Variants in CDS2 observed in about 807,000 individuals in gnomAD.
CDS2 encodes the protein CDP-diacylglycerol synthase 2.
Under a neutral mutation model 59.0 loss-of-function variants are expected in CDS2, and 47 were observed. That is an observed-to-expected ratio of 0.80 (90% CI 0.63 to 1.02). The LOEUF (loss-of-function observed/expected upper bound fraction) is 1.02, where lower values mean the gene tolerates loss of function less well. Ranked by LOEUF, CDS2 falls within the 50% of genes least tolerant of loss-of-function variation. The pLI is 0.00. For missense variants in CDS2, 356 were observed against 558.9 expected (o/e 0.64, Z 3.66); for synonymous variants, 207 against 206.4 (o/e 1.00, Z -0.02).
At chr20:5,188,719 T>G (rs964444347) in intron 10 of CDS2, among the ~76,000 whole-genome samples, 9 of 152,236 alleles carry the variant, frequency 5.9e-5, no homozygotes, top group Non-Finnish European at 1.0e-4. Context: ...CATTGGCTGC[T>G]GCCTGGCTTC....
chr20:5,185,714 G>A, intron 8 of CDS2, 44 bp from the exon 9 acceptor site: 1 of 1,552,296 alleles, frequency 6.4e-7, no homozygotes, highest in Admixed American at 1.7e-5. Context: ...CAAAGCTATA[G>A]TTATCAAAAC....
At chr20:5,162,621 G>T (rs930718542) in intron 1 of CDS2, among the ~76,000 whole-genome samples, 1 of 152,268 alleles carries the variant, frequency 6.6e-6, no homozygotes, top group African/African-American at 2.4e-5. Flanking sequence ...GAGAAGTTGG[G>T]GTTGGAGATA....
chr20:5,158,376 T>C (rs1411504321), intron 1 of CDS2, among the ~76,000 whole-genome samples: 2 of 152,152 alleles, frequency 1.3e-5, no homozygotes, highest in African/African-American at 4.8e-5. Flanking sequence ...TTCACCATGT[T>C]GTCCAGGTTG....
At chr20:5,144,177 A>G (rs981972142) in intron 1 of CDS2, among the ~76,000 whole-genome samples, 1 of 152,166 alleles carries the variant, frequency 6.6e-6, no homozygotes, top group African/African-American at 2.4e-5. Flanking sequence ...GTATTTTAGA[A>G]ACTTCTTGGT....
At chr20:5,144,691 C>CA (rs1306300127) in intron 1 of CDS2, among the ~76,000 whole-genome samples, 3 of 152,136 alleles carry the variant, frequency 2.0e-5, no homozygotes, top group Admixed American at 2.0e-4. Context: ...AATTTTGAGA[C>CA]AAAATGTACA....
rs11481738 is a variant in CDS2, at chr20:5,164,628, GA to G, written c.58-8881del. On this transcript the variant is annotated intron_variant, in intron 1 of 12. Transcript: ENST00000460006. ...TGGGAGAGCTTTATCTTAATAAACT[GA>G]AAAAAAAAAAAAATTCCTTCCTTCC... is the stretch of plus-strand genomic sequence containing the variant. Among the ~76,000 whole-genome samples the G allele has an allele frequency of 1.9e-3, 270 of 142,666 alleles. 3 individuals are homozygous for G. Among genetic ancestry groups the G allele is most frequent in the East Asian group, 0.017 (85 of 4,882 alleles). The allele number at this position is 142,666 out of a possible 152,430, so 93.6% of individuals were successfully genotyped here.
intron 1 of CDS2, among the ~76,000 whole-genome samples, chr20:5,146,153 A>G (rs1274911870): frequency 6.6e-6 from 1 of 152,224 alleles, no homozygotes; most frequent in African/African-American, 2.4e-5. Flanking sequence ...GCATTACAAC[A>G]TAGAAGCAGG....
At chr20:5,141,988 T>C (rs116780792) in intron 1 of CDS2, among the ~76,000 whole-genome samples, 1,871 of 151,794 alleles carry the variant, frequency 0.012, 48 homozygotes, top group African/African-American at 0.041. Context: ...GAGTGGGGAG[T>C]GATAGAGATA....
chr20:5,165,970 C>T lies in CDS2; in HGVS notation c.58-7553C>T, dbSNP rs982727838. ...CTGGATGAGTAGATAAGACCCTGAT[C>T]TCAAGGGGCTTGTATGCCATTTTGA... On this transcript the variant is annotated intron_variant, in intron 1 of 12. Transcript: ENST00000460006. 5.3e-5 allele frequency among the ~76,000 whole-genome samples: 8 copies of T among 152,150 alleles called. No homozygotes were observed. The East Asian group carries it at 1.5e-3, about 29-fold the overall frequency.
At chr20:5,136,992 A>G (rs1008677942) in intron 1 of CDS2, among the ~76,000 whole-genome samples, 1 of 152,036 alleles carries the variant, frequency 6.6e-6, no homozygotes, top group Non-Finnish European at 1.5e-5. Flanking sequence ...CTTTGTGTCC[A>G]TGTGTAGCTC....
At chr20:5,178,758 A>C in intron 4 of CDS2, 59 bp from the exon 5 acceptor site, 1 of 1,591,016 alleles carries the variant, frequency 6.3e-7, no homozygotes, top group Non-Finnish European at 8.6e-7. Flanking sequence ...GGGATGTCTG[A>C]CTGCCTTGCT....
intron 4 of CDS2, 61 bp from the exon 5 acceptor site, chr20:5,178,756 T>G: frequency 6.3e-7 from 1 of 1,591,130 alleles, no homozygotes; most frequent in Non-Finnish European, 8.6e-7. Flanking sequence ...CTGGGATGTC[T>G]GACTGCCTTG....
At chr20:5,135,108 T>A (rs2090638257) in intron 1 of CDS2, among the ~76,000 whole-genome samples, 1 of 152,094 alleles carries the variant, frequency 6.6e-6, no homozygotes, top group African/African-American at 2.4e-5. Flanking sequence ...AATATATACA[T>A]ACTTATTTTA....
intron 5 of CDS2, among the ~76,000 whole-genome samples, chr20:5,179,898 C>T (rs377145843): frequency 2.6e-5 from 4 of 152,238 alleles, no homozygotes; most frequent in South Asian, 4.2e-4. Context: ...TTGAGGTGCA[C>T]GAAAAATTTG....
At chr20:5,176,840 A>G (rs560403408) in intron 4 of CDS2, 95 bp downstream of exon 4, 7 of 841,932 alleles carry the variant, frequency 8.3e-6, no homozygotes, top group South Asian at 6.7e-5. Flanking sequence ...ATCACTTGCT[A>G]TAGAGATAAA....
At chr20:5,159,320 T>C (rs1357180704) in intron 1 of CDS2, among the ~76,000 whole-genome samples, 5 of 103,290 alleles carry the variant, frequency 4.8e-5, no homozygotes, top group Admixed American at 1.1e-4. Context: ...ATGCTTTCCC[T>C]CCCCCTCCCC....
At chr20:5,132,207 C>T (rs959982861) in intron 1 of CDS2, among the ~76,000 whole-genome samples, 7 of 151,808 alleles carry the variant, frequency 4.6e-5, no homozygotes, top group Admixed American at 2.6e-4. Context: ...AAGTGATTCT[C>T]CCATCTCAGC....
intron 3 of CDS2, 65 bp downstream of exon 3, chr20:5,175,344 A>G: frequency 2.3e-6 from 3 of 1,278,528 alleles, no homozygotes; most frequent in Non-Finnish European, 3.4e-6. Context: ...GGTTGTCTTA[A>G]GTGCGAGGTG....
At position 5,194,707 on chromosome 20, in the gene CDS2, TG is replaced by T. The variant is rs1407585350; in HGVS notation, c.*4474del. ...AGAGTTTGTGAAGTCTAGGGTTTTT[TG>T]TCCAGTGGGTTTCAAATTTGTTGGC... On this transcript the variant is annotated 3_prime_UTR_variant, in exon 13 of 13. Transcript: ENST00000460006. 6.6e-6 allele frequency: 1 copy of T among 152,216 alleles called. No homozygotes were observed. The highest frequency in any genetic ancestry group is 1.5e-5 in the Non-Finnish European group (1 of 68,044). The allele number at this position is 152,216 out of a possible 1,614,324, so 9.4% of individuals were successfully genotyped here. A position where few individuals can be genotyped will look rare whatever the true frequency, so the allele number is the denominator to read the frequency against.
Sources: allele counts gnomAD v4.1 joint callset (sites outside exome capture counted in the v4.1 genomes callset), GRCh38; gene constraint gnomAD v4.1.1; transcripts MANE v1.5; gene names NCBI Gene and HGNC (gene_info 2026-07-23, HGNC 2026-07-21).